The following LUZP2 variants were observed in gnomAD, a reference collection of about 807,000 sequenced individuals.
The protein encoded by LUZP2 is leucine zipper protein 2.
LUZP2 carries 52 observed loss-of-function variants against 51.6 expected under a neutral mutation model. The observed-to-expected ratio is 1.01, with a 90% CI of 0.81 to 1.27. LUZP2 has a LOEUF of 1.27. Ranked by LOEUF, LUZP2 falls within the 50% of genes most tolerant of loss-of-function variation. The pLI is 0.00. For missense variants in LUZP2, 436 were observed against 395.4 expected (o/e 1.10, Z -0.87); for synonymous variants, 154 against 137.3 (o/e 1.12, Z -0.85).
chr11:24,555,114 C>T (rs1851827891), intron 1 of LUZP2, among the ~76,000 whole-genome samples: 2 of 151,872 alleles, frequency 1.3e-5, no homozygotes, highest in Admixed American at 6.6e-5. Flanking sequence ...GTCAAGACCA[C>T]GAGGCAATTT....
intron 8 of LUZP2, among the ~76,000 whole-genome samples, chr11:24,982,848 A>T (rs1211949262): frequency 2.6e-5 from 4 of 151,836 alleles, no homozygotes; most frequent in Non-Finnish European, 5.9e-5. Flanking sequence ...TTTCCTGCAA[A>T]CTATCATGGT....
chr11:24,838,232 T>C (rs1243132771), intron 5 of LUZP2, among the ~76,000 whole-genome samples: 1 of 151,708 alleles, frequency 6.6e-6, no homozygotes, highest in Non-Finnish European at 1.5e-5. Flanking sequence ...TAAATGGGTA[T>C]ATTTTGCCAT....
chr11:24,941,102 C>CGT (rs1854734294), intron 7 of LUZP2, among the ~76,000 whole-genome samples: 1 of 152,098 alleles, frequency 6.6e-6, no homozygotes, highest in South Asian at 2.1e-4. Flanking sequence ...CTCAGGGTAA[C>CGT]CCACTGGGCA....
At chr11:24,566,326 ATTTTTTTT>A (rs869144004) in intron 1 of LUZP2, among the ~76,000 whole-genome samples, 1,872 of 92,858 alleles carry the variant, frequency 0.02, 25 homozygotes, top group South Asian at 0.094. Context: ...TTATTTATTT[ATTTTTTTT>A]TTTTTTTTTT....
chr11:24,856,178 A>C (rs1433745383), intron 5 of LUZP2, among the ~76,000 whole-genome samples: 2 of 152,258 alleles, frequency 1.3e-5, no homozygotes, highest in Non-Finnish European at 2.9e-5. Flanking sequence ...GCAGAATGAA[A>C]GAAAATATTT....
intron 1 of LUZP2, among the ~76,000 whole-genome samples, chr11:24,659,098 G>T (rs1855919967): frequency 6.6e-6 from 1 of 152,130 alleles, no homozygotes; most frequent in African/African-American, 2.4e-5. Context: ...TATAAATCAT[G>T]CTGCTATAAA....
At chr11:24,949,068 C>T (rs886519286) in intron 7 of LUZP2, among the ~76,000 whole-genome samples, 2 of 151,528 alleles carry the variant, frequency 1.3e-5, no homozygotes, top group Non-Finnish European at 3.0e-5. Flanking sequence ...TGCTGTATTT[C>T]CAGGGTGAAT....
At chr11:25,033,854 A>G (rs1183431546) in intron 9 of LUZP2, among the ~76,000 whole-genome samples, 1 of 152,166 alleles carries the variant, frequency 6.6e-6, no homozygotes, top group South Asian at 2.1e-4. Context: ...GTCGATTCCA[A>G]TCTTTGCTAC....
chr11:24,769,156 A>G (rs1256757006), intron 5 of LUZP2, among the ~76,000 whole-genome samples: 1 of 152,184 alleles, frequency 6.6e-6, no homozygotes, highest in East Asian at 1.9e-4. Flanking sequence ...ATACTGCATG[A>G]TGTCACTCAT....
At chr11:24,929,237 GTT>G (rs1300044523) in intron 7 of LUZP2, among the ~76,000 whole-genome samples, 1 of 151,756 alleles carries the variant, frequency 6.6e-6, no homozygotes, top group Non-Finnish European at 1.5e-5. Flanking sequence ...TTTGTTCTTT[GTT>G]ATTTCTTTTC....
chr11:24,910,494 C>T (rs368771347), intron 6 of LUZP2, among the ~76,000 whole-genome samples: 2 of 152,166 alleles, frequency 1.3e-5, no homozygotes, highest in African/African-American at 2.4e-5. Flanking sequence ...CCCTGCATCC[C>T]GTCTGCTTCA....
chr11:24,934,243 T>C (rs994959823), intron 7 of LUZP2, among the ~76,000 whole-genome samples: 1 of 152,214 alleles, frequency 6.6e-6, no homozygotes, highest in Admixed American at 6.5e-5. Flanking sequence ...TCACAAGGGA[T>C]ATGATGGCTT....
intron 1 of LUZP2, among the ~76,000 whole-genome samples, chr11:24,683,107 GT>G (rs1554973015): frequency 6.6e-6 from 1 of 152,150 alleles, no homozygotes; most frequent in Non-Finnish European, 1.5e-5. Context: ...AAGCTTTTCA[GT>G]TTTCCTTTTT....
At chr11:24,654,812 A>ACCGCG (rs914342514) in intron 1 of LUZP2, among the ~76,000 whole-genome samples, 1 of 147,688 alleles carries the variant, frequency 6.8e-6, no homozygotes, top group Admixed American at 7.0e-5. Context: ...GGCATGAGCC[A>ACCGCG]CCGCGCCCGG....
intron 3 of LUZP2, 22 bp from the exon 4 acceptor site, chr11:24,738,199 G>C (rs200833548): frequency 9.5e-6 from 14 of 1,469,018 alleles, no homozygotes; most frequent in Non-Finnish European, 2.8e-6. Context: ...TCTCACTTAT[G>C]CTCTGTTTTC....
At chr11:24,749,548 T>TG (rs1199084366) in intron 4 of LUZP2, among the ~76,000 whole-genome samples, 1 of 152,126 alleles carries the variant, frequency 6.6e-6, no homozygotes, top group African/African-American at 2.4e-5. Flanking sequence ...CACCATCCAA[T>TG]GAGCTGTCAG....
intron 7 of LUZP2, among the ~76,000 whole-genome samples, chr11:24,932,659 A>G (rs1446372968): frequency 6.6e-6 from 1 of 152,106 alleles, no homozygotes; most frequent in African/African-American, 2.4e-5. Context: ...ATGCCCCCTC[A>G]ACATCATCAA....
At position 24,710,017 on chromosome 11, in the gene LUZP2, G is replaced by T. The variant is rs1565091306; in HGVS notation, c.63-19152G>T. On this transcript the variant is annotated intron_variant, in intron 1 of 11. Coordinates refer to ENST00000336930, the MANE Select transcript of LUZP2 (RefSeq NM_001009909.4). Reference sequence around the variant, plus strand: ...CCACTTTGGAAAGTTATAGAAATGTGCTCCTCTGATGAGATCCTTTTTATT... The same window carrying T: ...CCACTTTGGAAAGTTATAGAAATGTTCTCCTCTGATGAGATCCTTTTTATT... Among the ~76,000 whole-genome samples, 3 of 152,080 alleles carry T rather than the reference G, an allele frequency of 2.0e-5. No homozygotes were observed. The South Asian group carries it at 6.2e-4, about 31-fold the overall frequency.
chr11:24,658,895 G>A (rs1359874627), intron 1 of LUZP2, among the ~76,000 whole-genome samples: 4 of 152,194 alleles, frequency 2.6e-5, no homozygotes, highest in Admixed American at 1.3e-4. Context: ...CAGTTAGAAT[G>A]GCAATCATTA....
Sources: gnomAD v4.1 joint callset for allele counts (sites outside exome capture counted in the v4.1 genomes callset) on GRCh38, gnomAD v4.1.1 for gene constraint, MANE v1.5 for transcripts, NCBI Gene and HGNC (gene_info 2026-07-23, HGNC 2026-07-21) for gene names.